The following EXOC6B variants were observed in gnomAD, a reference collection of about 807,000 sequenced individuals.
EXOC6B encodes the protein SEC15 homolog B.
EXOC6B carries 54 observed loss-of-function variants against 113.5 expected under a neutral mutation model. The observed-to-expected ratio is 0.48, with a 90% CI of 0.38 to 0.60. The LOEUF (loss-of-function observed/expected upper bound fraction) is 0.60, where lower values mean the gene tolerates loss of function less well. Among genes scored for constraint, EXOC6B ranks in the 20% least tolerant of loss-of-function variants. The probability of loss-of-function intolerance (pLI) is 0.00; values close to 1 mark genes in which losing one functional copy is unlikely to be tolerated. For missense variants in EXOC6B, 797 were observed against 977.5 expected (o/e 0.82, Z 2.46); for synonymous variants, 357 against 339.0 (o/e 1.05, Z -0.58).
intron 6 of EXOC6B, among the ~76,000 whole-genome samples, chr2:72,595,532 T>C (rs1670032864): frequency 6.6e-6 from 1 of 151,724 alleles, no homozygotes; most frequent in African/African-American, 2.4e-5. Flanking sequence ...CACAACATGC[T>C]TTTATAAAGT....
At chr2:72,519,576 T>C (rs1206351786) in intron 8 of EXOC6B, among the ~76,000 whole-genome samples, 1 of 152,184 alleles carries the variant, frequency 6.6e-6, no homozygotes, top group Non-Finnish European at 1.5e-5. Context: ...TATGCATTCA[T>C]TGGTTGATGA....
chr2:72,381,888 T>G (rs979323494), intron 18 of EXOC6B, among the ~76,000 whole-genome samples: 16 of 152,218 alleles, frequency 1.1e-4, no homozygotes, highest in Non-Finnish European at 5.9e-5. Context: ...TTGATTACTG[T>G]GTGCAATTGA....
intron 20 of EXOC6B, among the ~76,000 whole-genome samples, chr2:72,290,766 C>A (rs180781864): frequency 2.3e-3 from 344 of 151,944 alleles, no homozygotes; most frequent in Non-Finnish European, 3.8e-3. Context: ...TGATTTGGAT[C>A]TGTATTTGGA....
chr2:72,514,601 A>AT (rs71884143), intron 10 of EXOC6B, 33 bp downstream of exon 10: 2,965 of 84,638 alleles, frequency 0.035, 39 homozygotes, highest in East Asian at 0.13. Context: ...TAAATAAATA[A>AT]ATAAATATAT....
chr2:72,182,306 G>A lies in EXOC6B; in HGVS notation c.2309+1769C>T, dbSNP rs149748449. Among the ~76,000 whole-genome samples the A allele has an allele frequency of 4.2e-4, 64 of 152,234 alleles. 1 individual carries two copies. In the East Asian group the frequency reaches 0.011, roughly 27 times the overall value. ...GTATTTCCTAGATCCAGAGATTCCT[G>A]GGAACGGAGGAGTAAAGGACTGCTG... On this transcript the variant is annotated intron_variant, in intron 21 of 21. Coordinates refer to ENST00000272427, the MANE Select transcript of EXOC6B (RefSeq NM_015189.3).
chr2:72,290,906 T>G (rs1685742867), intron 20 of EXOC6B, among the ~76,000 whole-genome samples: 1 of 152,132 alleles, frequency 6.6e-6, no homozygotes, highest in African/African-American at 2.4e-5. Flanking sequence ...TTAATTGAAA[T>G]GTATGAATAT....
intron 5 of EXOC6B, among the ~76,000 whole-genome samples, chr2:72,721,276 C>T (rs767058386): frequency 6.8e-6 from 1 of 147,684 alleles, no homozygotes; most frequent in African/African-American, 2.5e-5. Flanking sequence ...GTGCAGTGAG[C>T]TGAGATCACA....
chr2:72,581,313 C>A (rs1705207953), intron 6 of EXOC6B, among the ~76,000 whole-genome samples: 2 of 151,786 alleles, frequency 1.3e-5, no homozygotes, highest in South Asian at 4.2e-4. Context: ...CAGATTCGAA[C>A]AAACAAAATG....
chr2:72,685,133 A>G (rs1676986641), intron 6 of EXOC6B, among the ~76,000 whole-genome samples: 1 of 152,194 alleles, frequency 6.6e-6, no homozygotes, highest in African/African-American at 2.4e-5. Context: ...TATATAATAA[A>G]GCAAGTTGTA....
intron 17 of EXOC6B, among the ~76,000 whole-genome samples, chr2:72,471,719 A>G (rs1200106866): frequency 6.6e-6 from 1 of 152,110 alleles, no homozygotes; most frequent in Non-Finnish European, 1.5e-5. Flanking sequence ...TGACTGTCCT[A>G]GCTCAGACTT....
intron 6 of EXOC6B, among the ~76,000 whole-genome samples, chr2:72,700,233 C>A (rs1029032830): frequency 1.3e-4 from 16 of 124,280 alleles, no homozygotes; most frequent in Admixed American, 4.9e-4. Context: ...ACAAAGACCA[C>A]AGAAACACAC....
intron 17 of EXOC6B, among the ~76,000 whole-genome samples, chr2:72,465,979 C>A (rs1698025268): frequency 6.6e-6 from 1 of 152,056 alleles, no homozygotes; most frequent in Non-Finnish European, 1.5e-5. Context: ...CAGTACAGAT[C>A]TACTACAAAA....
intron 20 of EXOC6B, among the ~76,000 whole-genome samples, chr2:72,275,942 T>C (rs1257475169): frequency 6.6e-6 from 1 of 152,180 alleles, no homozygotes; most frequent in Non-Finnish European, 1.5e-5. Context: ...TAACAATTCA[T>C]ATTTGTAACA....
intron 8 of EXOC6B, among the ~76,000 whole-genome samples, chr2:72,520,087 A>T (rs1263365349): frequency 2.0e-5 from 3 of 152,160 alleles, no homozygotes; most frequent in African/African-American, 7.2e-5. Context: ...ACGTATCTCC[A>T]TCTGATATTG....
intron 1 of EXOC6B, among the ~76,000 whole-genome samples, chr2:72,772,332 C>T (rs1683452116): frequency 6.6e-6 from 1 of 152,012 alleles, no homozygotes. Flanking sequence ...CAGGACCAGG[C>T]TTAAGGCAAG....
chr2:72,487,069 G>A (rs1699463449), intron 16 of EXOC6B, among the ~76,000 whole-genome samples: 1 of 151,984 alleles, frequency 6.6e-6, no homozygotes, highest in South Asian at 2.1e-4. Flanking sequence ...CAAAAAAGTT[G>A]CAGAGTTCCC....
chr2:72,557,682 A>G (rs1263105456), intron 8 of EXOC6B, among the ~76,000 whole-genome samples: 1 of 152,106 alleles, frequency 6.6e-6, no homozygotes, highest in East Asian at 1.9e-4. Flanking sequence ...GAGAGAGAGA[A>G]GCAGAAAAGA....
At chr2:72,722,377 C>T (rs1426064547) in intron 5 of EXOC6B, among the ~76,000 whole-genome samples, 1 of 152,136 alleles carries the variant, frequency 6.6e-6, no homozygotes, top group African/African-American at 2.4e-5. Flanking sequence ...ATGATTTTCA[C>T]AGCAGATACT....
chr2:72,748,658 G>C (rs537955056), intron 1 of EXOC6B, among the ~76,000 whole-genome samples: 124 of 152,124 alleles, frequency 8.2e-4, no homozygotes, highest in African/African-American at 2.9e-3. Context: ...TATCCAACTG[G>C]CTTCACACAA....
Sources: allele counts gnomAD v4.1 joint callset (sites outside exome capture counted in the v4.1 genomes callset), GRCh38; gene constraint gnomAD v4.1.1; transcripts MANE v1.5; gene names NCBI Gene and HGNC (gene_info 2026-07-23, HGNC 2026-07-21).